WWOX: variants seen among roughly 807,000 people sequenced by gnomAD.
WWOX encodes WW domain-containing oxidoreductase.
Under a neutral mutation model 46.2 loss-of-function variants are expected in WWOX, and 69 were observed. That is an observed-to-expected ratio of 1.49 (90% confidence interval 1.23 to 1.82). The LOEUF is 1.82. WWOX is among the 40% of genes most tolerant of loss of function. WWOX has a pLI of 0.00. For synonymous variants in WWOX, 359 were observed against 202.6 expected (o/e 1.77, Z -6.56); for missense variants, 919 against 542.6 (o/e 1.69, Z -6.89).
chr16:78,803,232 A>G (rs192831608), intron 8 of WWOX, among the ~76,000 whole-genome samples: 2 of 151,262 alleles, frequency 1.3e-5, no homozygotes, highest in East Asian at 3.9e-4. Flanking sequence ...GTGGCTATGA[A>G]GAAGTGAGAG....
chr16:78,740,533 G>C (rs2039240798), intron 8 of WWOX, among the ~76,000 whole-genome samples: 2 of 152,334 alleles, frequency 1.3e-5, no homozygotes, highest in Admixed American at 1.3e-4. Context: ...CTAGAATTCA[G>C]AGTTCCACGT....
intron 8 of WWOX, among the ~76,000 whole-genome samples, chr16:79,162,194 C>T (rs1370162789): frequency 6.6e-6 from 1 of 152,130 alleles, no homozygotes; most frequent in African/African-American, 2.4e-5. Context: ...TTATATTTGC[C>T]TTTGGGTTGA....
chr16:78,254,135 A>G (rs1172485915), intron 5 of WWOX, among the ~76,000 whole-genome samples: 2 of 151,738 alleles, frequency 1.3e-5, no homozygotes, highest in African/African-American at 4.8e-5. Context: ...CAGTGGCGTG[A>G]TCATGGCTCA....
At chr16:78,460,845 C>G (rs151270463) in intron 8 of WWOX, among the ~76,000 whole-genome samples, 235 of 152,316 alleles carry the variant, frequency 1.5e-3, no homozygotes, top group Middle Eastern at 6.8e-3. Flanking sequence ...TGCTCTGTTA[C>G]GTGAGGACAC....
chr16:79,130,778 G>A (rs796934365), intron 8 of WWOX, among the ~76,000 whole-genome samples: 2 of 152,240 alleles, frequency 1.3e-5, no homozygotes, highest in Non-Finnish European at 1.5e-5. Flanking sequence ...TCTTCATCTT[G>A]TTGGGCTGTG....
chr16:79,201,061 A>C (rs552370012), intron 8 of WWOX, among the ~76,000 whole-genome samples: 1 of 152,292 alleles, frequency 6.6e-6, no homozygotes, highest in East Asian at 1.9e-4. Context: ...CATGAAGGTT[A>C]TATTATTATG....
intron 8 of WWOX, among the ~76,000 whole-genome samples, chr16:79,131,842 T>C (rs1228172051): frequency 6.6e-6 from 1 of 152,114 alleles, no homozygotes; most frequent in Non-Finnish European, 1.5e-5. Flanking sequence ...TGGGGAAGCC[T>C]TACAATCATG....
intron 6 of WWOX, among the ~76,000 whole-genome samples, chr16:78,406,295 T>TAAATAC (rs2082531080): frequency 3.4e-5 from 3 of 88,638 alleles, no homozygotes; most frequent in African/African-American, 1.1e-4. Context: ...TTACAGCATA[T>TAAATAC]AAATATAAAT....
chr16:79,015,779 C>A (rs535431587), intron 8 of WWOX, among the ~76,000 whole-genome samples: 1 of 151,834 alleles, frequency 6.6e-6, no homozygotes, highest in Non-Finnish European at 1.5e-5. Flanking sequence ...CTGAGACAGA[C>A]TGTCGCTCTG....
At chr16:78,499,876 G>A (rs1247258767) in intron 8 of WWOX, among the ~76,000 whole-genome samples, 2 of 152,098 alleles carry the variant, frequency 1.3e-5, no homozygotes, top group Non-Finnish European at 2.9e-5. Flanking sequence ...CTTACATTCC[G>A]TCTTTAATGT....
chr16:78,623,267 G>A (rs1018687862), intron 8 of WWOX, among the ~76,000 whole-genome samples: 1 of 152,186 alleles, frequency 6.6e-6, no homozygotes, highest in Non-Finnish European at 1.5e-5. Flanking sequence ...CAGAAAATGT[G>A]TACACCCTGG....
intron 8 of WWOX, among the ~76,000 whole-genome samples, chr16:78,485,028 C>A (rs770847402): frequency 6.6e-6 from 1 of 151,998 alleles, no homozygotes; most frequent in Non-Finnish European, 1.5e-5. Flanking sequence ...CCCTTAGAAC[C>A]AAAGATGCCC....
At chr16:78,428,596 T>G (rs1404807633) in intron 7 of WWOX, among the ~76,000 whole-genome samples, 4 of 152,214 alleles carry the variant, frequency 2.6e-5, no homozygotes, top group African/African-American at 9.7e-5. Flanking sequence ...GTTTCTAGAT[T>G]AGGGATCAAG....
chr16:79,136,475 C>T (rs990809330), intron 8 of WWOX, among the ~76,000 whole-genome samples: 4 of 152,188 alleles, frequency 2.6e-5, no homozygotes, highest in East Asian at 1.9e-4. Context: ...ATGATCCACC[C>T]GCCTCGGCCT....
intron 8 of WWOX, among the ~76,000 whole-genome samples, chr16:78,608,781 C>G (rs1240780423): frequency 6.6e-6 from 1 of 152,128 alleles, no homozygotes; most frequent in Non-Finnish European, 1.5e-5. Flanking sequence ...CGCCTGCCCT[C>G]CAGGGGTTCC....
chr16:79,100,615 A>G (rs1480456211), intron 8 of WWOX, among the ~76,000 whole-genome samples: 4 of 152,078 alleles, frequency 2.6e-5, no homozygotes, highest in Non-Finnish European at 5.9e-5. Flanking sequence ...CTCTTAACAA[A>G]TGTTGTTGAC....
At chr16:79,149,529 A>T (rs2050239020) in intron 8 of WWOX, among the ~76,000 whole-genome samples, 1 of 152,158 alleles carries the variant, frequency 6.6e-6, no homozygotes, top group African/African-American at 2.4e-5. Context: ...GGTGGGTTCC[A>T]TTTTTGTGGT....
chr16:78,698,224 T>G (rs1326042459), intron 8 of WWOX, among the ~76,000 whole-genome samples: 1 of 152,140 alleles, frequency 6.6e-6, no homozygotes, highest in Non-Finnish European at 1.5e-5. Context: ...GGAGTTTGGA[T>G]TCGGGCACTG....
intron 8 of WWOX, among the ~76,000 whole-genome samples, chr16:78,800,855 C>T (rs1451100279): frequency 6.6e-6 from 1 of 152,100 alleles, no homozygotes; most frequent in Non-Finnish European, 1.5e-5. Flanking sequence ...AGATTGTGGT[C>T]AGTCAACACT....
Sources: gnomAD v4.1 joint callset for allele counts (sites outside exome capture counted in the v4.1 genomes callset) on GRCh38, gnomAD v4.1.1 for gene constraint, MANE v1.5 for transcripts, NCBI Gene and HGNC (gene_info 2026-07-23, HGNC 2026-07-21) for gene names.